Variants in MTMR2 observed in about 807,000 individuals in gnomAD.
MTMR2 encodes the protein phosphatidylinositol-3,5-bisphosphate 3-phosphatase MTMR2.
MTMR2 carries 55 observed loss-of-function variants against 86.9 expected under a neutral mutation model. That is an observed-to-expected ratio of 0.63 (90% CI 0.51 to 0.79). MTMR2 has a LOEUF of 0.79. Among genes scored for constraint, MTMR2 ranks in the 30% least tolerant of loss-of-function variants. The pLI is 0.00. For synonymous variants in MTMR2, 241 were observed against 266.8 expected (o/e 0.90, Z 0.94); for missense variants, 659 against 772.3 (o/e 0.85, Z 1.74).
At chr11:95,872,080 C>G (rs1294724162) in intron 2 of MTMR2, among the ~76,000 whole-genome samples, 1 of 152,092 alleles carries the variant, frequency 6.6e-6, no homozygotes, top group African/African-American at 2.4e-5. Flanking sequence ...GTTCTTTTGG[C>G]TTAGGATTGA....
intron 6 of MTMR2, among the ~76,000 whole-genome samples, chr11:95,858,209 AC>A (rs1864279270): frequency 6.6e-6 from 1 of 152,190 alleles, no homozygotes; most frequent in Non-Finnish European, 1.5e-5. Context: ...GCTAGTGTTA[AC>A]TGGCTCCCAA....
chr11:95,848,161 A>G (rs1863875888), intron 9 of MTMR2, among the ~76,000 whole-genome samples: 1 of 152,200 alleles, frequency 6.6e-6, no homozygotes, highest in Non-Finnish European at 1.5e-5. Context: ...ATAGGAAGGT[A>G]TTTAAACACT....
intron 3 of MTMR2, among the ~76,000 whole-genome samples, chr11:95,863,460 T>A (rs1369228836): frequency 6.6e-6 from 1 of 152,208 alleles, no homozygotes; most frequent in Non-Finnish European, 1.5e-5. Context: ...ACTACTTTTT[T>A]AAATCGTTTC....
chr11:95,850,324 G>A (rs949993937), intron 8 of MTMR2, among the ~76,000 whole-genome samples: 25 of 151,090 alleles, frequency 1.7e-4, no homozygotes, highest in Non-Finnish European at 3.2e-4. Context: ...TATACAATAA[G>A]ATAAATAAAT....
intron 2 of MTMR2, chr11:95,882,618 A>G (rs1291594900): frequency 6.6e-6 from 1 of 152,172 alleles, no homozygotes; most frequent in Non-Finnish European, 1.5e-5. Context: ...AGCCTATTAC[A>G]TACTTCAAGA....
At chr11:95,865,311 AAC>A in intron 3 of MTMR2, 1 of 398,214 alleles carries the variant, frequency 2.5e-6, no homozygotes, top group South Asian at 5.1e-5. Context: ...AGGCTTCAGC[AAC>A]AGTTTTAGCA....
In MTMR2 at chr11:95,878,311, C is replaced by T. The variant is rs755642621; in HGVS notation, c.186+9845G>A. Among the ~76,000 whole-genome samples, 51 of 150,616 alleles carry T rather than the reference C, an allele frequency of 3.4e-4. 1 individual carries two copies. The highest frequency in any genetic ancestry group is 6.4e-4 in the South Asian group (3 of 4,722). On this transcript the variant is annotated intron_variant, in intron 2 of 14. Transcript: ENST00000346299. Reference sequence around the variant, plus strand: ...GGAGAGGGGAAAATGAAAGAGGTGACGCAAAGGGGATTTTTAGGGCACTAA... The same window carrying T: ...GGAGAGGGGAAAATGAAAGAGGTGATGCAAAGGGGATTTTTAGGGCACTAA...
At chr11:95,916,031 AT>A (rs1274312223) in intron 1 of MTMR2, among the ~76,000 whole-genome samples, 1 of 152,068 alleles carries the variant, frequency 6.6e-6, no homozygotes, top group Non-Finnish European at 1.5e-5. Flanking sequence ...CCAAGATACA[AT>A]TCTCTTTTTT....
intron 11 of MTMR2, among the ~76,000 whole-genome samples, 173 bp from the exon 12 acceptor site, chr11:95,841,882 A>G (rs1863563438): frequency 6.6e-6 from 1 of 152,116 alleles, no homozygotes; most frequent in Non-Finnish European, 1.5e-5. Flanking sequence ...GATCACTTGG[A>G]GCCAGGAATT....
chr11:95,916,859 T>C (rs1026272674), intron 1 of MTMR2, among the ~76,000 whole-genome samples: 20 of 152,294 alleles, frequency 1.3e-4, no homozygotes, highest in Non-Finnish European at 2.6e-4. Flanking sequence ...CCATAGGTCC[T>C]ATGTACTTGG....
intron 3 of MTMR2, among the ~76,000 whole-genome samples, chr11:95,863,501 T>C (rs1864496215): frequency 6.6e-6 from 1 of 152,188 alleles, no homozygotes; most frequent in Non-Finnish European, 1.5e-5. Flanking sequence ...GGGAAGCTTT[T>C]AAAATTAAAT....
At chr11:95,848,827 G>A (rs763473534) in intron 9 of MTMR2, among the ~76,000 whole-genome samples, 1 of 152,112 alleles carries the variant, frequency 6.6e-6, no homozygotes, top group Non-Finnish European at 1.5e-5. Context: ...CACAATTATA[G>A]AATTTACAGT....
chr11:95,838,497 C>A (rs1340123685), intron 12 of MTMR2, among the ~76,000 whole-genome samples: 1 of 152,008 alleles, frequency 6.6e-6, no homozygotes. Flanking sequence ...CCCAAAATGA[C>A]CACAAACAAC....
chr11:95,910,603 C>T (rs1280602311), intron 1 of MTMR2, among the ~76,000 whole-genome samples: 3 of 152,014 alleles, frequency 2.0e-5, no homozygotes, highest in Non-Finnish European at 4.4e-5. Flanking sequence ...AGATCTAAAC[C>T]ACTTGCCTTT....
intron 2 of MTMR2, among the ~76,000 whole-genome samples, chr11:95,873,251 T>A (rs184531983): frequency 2.6e-5 from 4 of 152,320 alleles, no homozygotes; most frequent in African/African-American, 9.6e-5. Flanking sequence ...CTTTTTTTGG[T>A]TGGTAAGCTA....
intron 7 of MTMR2, among the ~76,000 whole-genome samples, chr11:95,853,591 G>A (rs879451243): frequency 2.6e-5 from 4 of 152,032 alleles, no homozygotes; most frequent in Admixed American, 6.6e-5. Context: ...TATATCAAAC[G>A]TCTTTCAGCT....
intron 9 of MTMR2, 113 bp from the exon 10 acceptor site, chr11:95,848,012 A>G (rs775642195): frequency 1.9e-5 from 20 of 1,040,142 alleles, no homozygotes; most frequent in Non-Finnish European, 2.6e-5. Flanking sequence ...GACAAGGAAA[A>G]CTCCACAGGA....
chr11:95,911,916 T>G (rs1044696442), intron 1 of MTMR2, among the ~76,000 whole-genome samples: 2 of 152,158 alleles, frequency 1.3e-5, no homozygotes, highest in African/African-American at 4.8e-5. Flanking sequence ...TTATTCAAAT[T>G]AGAAAGTCAT....
intron 2 of MTMR2, among the ~76,000 whole-genome samples, chr11:95,877,605 A>G (rs1865170867): frequency 1.3e-5 from 2 of 152,046 alleles, no homozygotes; most frequent in African/African-American, 4.8e-5. Flanking sequence ...TGTTGCAGAT[A>G]TAATTAGTTA....
Sources: gnomAD v4.1 joint callset for allele counts (sites outside exome capture counted in the v4.1 genomes callset) on GRCh38, gnomAD v4.1.1 for gene constraint, MANE v1.5 for transcripts, NCBI Gene and HGNC (gene_info 2026-07-23, HGNC 2026-07-21) for gene names.